FN3KRP: variants seen among roughly 807,000 people sequenced by gnomAD.
FN3KRP encodes the protein ketosamine-3-kinase.
Under a neutral mutation model 29.8 loss-of-function variants are expected in FN3KRP, and 33 were observed. The ratio of observed to expected loss-of-function variants is 1.11; its 90% CI spans 0.84 to 1.48. The LOEUF is 1.48. Ranked by LOEUF, FN3KRP falls within the 40% of genes most tolerant of loss-of-function variation. FN3KRP has a pLI of 0.00. For synonymous variants in FN3KRP, 157 were observed against 155.2 expected, an observed-to-expected ratio of 1.01 and a Z score of -0.09; for missense variants, 430 against 402.6, an observed-to-expected ratio of 1.07 and a Z score of -0.58.
intron 3 of FN3KRP, among the ~76,000 whole-genome samples, chr17:82,722,031 T>TC (rs1364449667): frequency 2.0e-5 from 3 of 150,842 alleles, no homozygotes; most frequent in African/African-American, 2.4e-5. Context: ...ATGGGGTTTC[T>TC]CCATGTTGGT....
chr17:82,724,031 G>C (rs1244253296), intron 4 of FN3KRP, among the ~76,000 whole-genome samples: 1 of 152,082 alleles, frequency 6.6e-6, no homozygotes, highest in Non-Finnish European at 1.5e-5. Context: ...GGTGGTTCAT[G>C]CCTGTAATTC....
At chr17:82,724,184 C>G (rs1412924755) in intron 4 of FN3KRP, among the ~76,000 whole-genome samples, 1 of 151,324 alleles carries the variant, frequency 6.6e-6, no homozygotes, top group Non-Finnish European at 1.5e-5. Flanking sequence ...GTTCCAGCCA[C>G]TTGGAAGGCT....
chr17:82,720,440 G>A (rs1353992916), intron 3 of FN3KRP, 77 bp downstream of exon 3: 27 of 1,203,458 alleles, frequency 2.2e-5, no homozygotes, highest in Non-Finnish European at 2.6e-5. Context: ...AGCGGGGGCC[G>A]TGCAGCAGCC....
intron 5 of FN3KRP, 92 bp from the exon 6 acceptor site, chr17:82,726,741 T>G (rs1035176047): frequency 2.1e-5 from 31 of 1,494,120 alleles, no homozygotes; most frequent in African/African-American, 1.4e-5. Flanking sequence ...TGCTATCCGC[T>G]GCTGCCTGGG....
Position 82,719,037 on chromosome 17 carries a change from G to GGACAT in FN3KRP, c.276_280dup (p.Arg94ThrfsTer2). On this transcript the variant is annotated frameshift_variant, in exon 2 of 6. Coordinates refer to ENST00000269373, the MANE Select transcript of FN3KRP (RefSeq NM_024619.4). LOFTEE classifies it high-confidence loss of function. ...GGAGCGTGCTGGTGATGGAGCACAT[G>GGACAT]GACATGAGGCATCTGAGCAGGTGCA... The GGACAT allele has an allele frequency of 6.2e-7, 1 of 1,613,140 alleles. No individual in the cohort carries two copies. The highest frequency in any genetic ancestry group is 2.2e-5 in the East Asian group (1 of 44,778).
chr17:82,725,611 G>A (rs141247516), intron 4 of FN3KRP, among the ~76,000 whole-genome samples: 3,318 of 151,930 alleles, frequency 0.022, 138 homozygotes, highest in African/African-American at 0.076. Context: ...CACCACGTCC[G>A]GCTAATTTTT....
chr17:82,725,184 G>A (rs1261190422), intron 4 of FN3KRP, among the ~76,000 whole-genome samples: 2 of 151,942 alleles, frequency 1.3e-5, no homozygotes, highest in Non-Finnish European at 2.9e-5. Context: ...CTGGAGAGCA[G>A]TGGCATGATC....
intron 4 of FN3KRP, among the ~76,000 whole-genome samples, chr17:82,724,729 C>T (rs558159574): frequency 3.0e-4 from 45 of 152,266 alleles, no homozygotes; most frequent in African/African-American, 1.1e-3. Context: ...CACGAGGGAG[C>T]AGGCCCCATG....
rs763790127 is a variant in FN3KRP, at chr17:82,726,583, A to G, written c.572A>G (p.Gln191Arg). 2.5e-6 allele frequency: 4 copies of G among 1,613,660 alleles called. No homozygotes were observed. In the Admixed American group the frequency reaches 5.0e-5, roughly 20 times the overall value. Residue 191 changes from glutamine (Q) to arginine (R), a missense_variant, in exon 5 of 6, where the codon CAG (glutamine) becomes CGG (arginine). Physicochemically the swap from Gln to Arg is conservative, Grantham distance 43. Coordinates refer to ENST00000269373, the MANE Select transcript of FN3KRP (RefSeq NM_024619.4). ...EKESGDREAL[Q>R]LWSALQLKIP... ...GAGTCTGGGGACAGGGAGGCCCTCCAGCTTTGGTCTGCTCTGCAGGTGAGT... is the reference window on the plus strand; with the variant it reads ...GAGTCTGGGGACAGGGAGGCCCTCCGGCTTTGGTCTGCTCTGCAGGTGAGT...
At chr17:82,723,729 C>T (rs1169291644) in intron 4 of FN3KRP, among the ~76,000 whole-genome samples, 2 of 152,030 alleles carry the variant, frequency 1.3e-5, no homozygotes, top group African/African-American at 2.4e-5. Flanking sequence ...ATGTTGGCGT[C>T]GTGTGCTACT....
intron 4 of FN3KRP, among the ~76,000 whole-genome samples, chr17:82,723,407 G>A (rs2143614751): frequency 6.6e-6 from 1 of 152,282 alleles, no homozygotes; most frequent in East Asian, 1.9e-4. Context: ...CTGCTTAGGG[G>A]CGGGGAGTGG....
chr17:82,723,452 G>A (rs1401699855), intron 4 of FN3KRP, among the ~76,000 whole-genome samples: 1 of 152,136 alleles, frequency 6.6e-6, no homozygotes, highest in Non-Finnish European at 1.5e-5. Context: ...GGGGGGTGGG[G>A]GGTTTTCGCC....
chr17:82,724,333 C>T (rs974501439), intron 4 of FN3KRP, among the ~76,000 whole-genome samples: 1 of 148,704 alleles, frequency 6.7e-6, no homozygotes, highest in Non-Finnish European at 1.5e-5. Flanking sequence ...GGACCGGGCA[C>T]GGTGGCTCAC....
intron 4 of FN3KRP, among the ~76,000 whole-genome samples, chr17:82,724,164 C>T (rs902393308): frequency 1.3e-5 from 2 of 151,230 alleles, no homozygotes; most frequent in African/African-American, 2.4e-5. Context: ...TGTGGTGGTG[C>T]GTGCCTGTAG....
chr17:82,719,162 A>G, intron 2 of FN3KRP, 105 bp downstream of exon 2: 5 of 1,097,190 alleles, frequency 4.6e-6, no homozygotes, highest in Non-Finnish European at 6.6e-6. Flanking sequence ...GGCTGGCTTT[A>G]TTATCTGAGC....
rs771654065 is a variant in FN3KRP at position 82,720,235 on chromosome 17, G to A, written c.294-37G>A. On this transcript the variant is annotated intron_variant, in intron 2 of 5. Coordinates refer to ENST00000269373, the MANE Select transcript of FN3KRP (RefSeq NM_024619.4). ...AGCAGTGGGTGTGTTGCCATTCTGT[G>A]TGTCATCTGTTTAGTTGCTGTCGTT... The A allele has an allele frequency of 5.8e-6, 9 of 1,556,200 alleles. No homozygotes were observed. The South Asian group carries it at 1.0e-4, about 17-fold the overall frequency.
chr17:82,722,937 C>T (rs753672186), intron 4 of FN3KRP, 51 bp downstream of exon 4: 5 of 1,537,420 alleles, frequency 3.3e-6, no homozygotes, highest in Non-Finnish European at 3.6e-6. Context: ...GCTGTTCAGA[C>T]ACACGGGTTG....
chr17:82,726,794 G>A (rs534194708), intron 5 of FN3KRP, 39 bp from the exon 6 acceptor site: 22 of 1,517,678 alleles, frequency 1.4e-5, no homozygotes, highest in Admixed American at 8.9e-5. Flanking sequence ...TCATGCACGC[G>A]TTGATCAATT....
In FN3KRP at chr17:82,716,849, G is replaced by C. The variant is rs376480630; in HGVS notation, c.94G>C (p.Asp32His). 58 of 1,561,828 alleles carry C rather than the reference G, an allele frequency of 3.7e-5. No individual in the cohort carries two copies. Among genetic ancestry groups the C allele is most frequent in the Non-Finnish European group, 4.9e-5 (57 of 1,158,830 alleles). The change falls in exon 1 of 6, where the codon GAC (aspartate) becomes CAC (histidine). Residue 32 changes from aspartate to histidine, a missense_variant. Coordinates refer to ENST00000269373, the MANE Select transcript of FN3KRP (RefSeq NM_024619.4). ...GGCISQGRSYDTDQGRVFVKV... is the reference protein window; with the variant it reads ...GGCISQGRSYHTDQGRVFVKV... Reference sequence around the variant, plus strand: ...GTGCATCAGCCAGGGCCGGAGCTACGACACGGATCAAGGACGAGTGTTCGT... The same window carrying C: ...GTGCATCAGCCAGGGCCGGAGCTACCACACGGATCAAGGACGAGTGTTCGT...
Sources: gnomAD v4.1 joint callset for allele counts (sites outside exome capture counted in the v4.1 genomes callset) on GRCh38, gnomAD v4.1.1 for gene constraint, MANE v1.5 for transcripts, NCBI Gene and HGNC (gene_info 2026-07-23, HGNC 2026-07-21) for gene names.